The following SHLD1 variants were observed in gnomAD, a reference collection of about 807,000 sequenced individuals.
SHLD1 encodes the protein shieldin complex subunit 1.
SHLD1 carries 3 observed loss-of-function variants against 5.5 expected under a neutral mutation model. The observed-to-expected ratio is 0.54, with a 90% CI of 0.25 to 1.40. The LOEUF (loss-of-function observed/expected upper bound fraction) is 1.40. Among genes scored for constraint, SHLD1 ranks in the 40% most tolerant of loss-of-function variants. The pLI, the probability that SHLD1 is intolerant of heterozygous loss-of-function variation, is 0.15. For missense variants in SHLD1, 210 were observed against 244.4 expected (o/e 0.86, Z 0.94); for synonymous variants, 92 against 94.3 (o/e 0.98, Z 0.14).
At chr20:5,860,950 A>G (rs1402394043) in intron 2 of SHLD1, among the ~76,000 whole-genome samples, 1 of 150,018 alleles carries the variant, frequency 6.7e-6, no homozygotes, top group East Asian at 2.0e-4. Context: ...TCTGGAAACT[A>G]GTGTAGTGGA....
intron 2 of SHLD1, among the ~76,000 whole-genome samples, chr20:5,795,789 G>A (rs2087203826): frequency 6.6e-6 from 1 of 151,630 alleles, no homozygotes; most frequent in African/African-American, 2.4e-5. Context: ...AGACCATCCT[G>A]GCTAACACGG....
At chr20:5,861,575 T>C (rs376994818) in intron 2 of SHLD1, among the ~76,000 whole-genome samples, 21 of 152,336 alleles carry the variant, frequency 1.4e-4, no homozygotes, top group African/African-American at 4.6e-4. Context: ...GCTGATAACT[T>C]CCGGATAATC....
intron 1 of SHLD1, among the ~76,000 whole-genome samples, chr20:5,757,010 G>A (rs1445741597): frequency 1.3e-5 from 2 of 148,586 alleles, no homozygotes; most frequent in African/African-American, 4.9e-5. Flanking sequence ...AAAGCATTCA[G>A]TCTTTTACCA....
chr20:5,806,056 G>A lies in SHLD1; in HGVS notation c.178+33013G>A, dbSNP rs1337231198. ...ATTTTTAAATATTTTTTAGAGATGC[G>A]GCCTTGCTCTGTTGCCCAGGCTAGT... On this transcript the variant is annotated intron_variant, in intron 2 of 2. Transcript: ENST00000303142. This position sits in a 1 kb window ranked among gnomAD's most constrained non-coding sequence, Gnocchi z 7.6. Among the ~76,000 whole-genome samples the A allele has an allele frequency of 6.6e-6, 1 of 152,048 alleles. No homozygotes were observed. The highest frequency in any genetic ancestry group is 2.4e-5 in the African/African-American group (1 of 41,408).
At chr20:5,785,956 C>T (rs558564182) in intron 2 of SHLD1, among the ~76,000 whole-genome samples, 2 of 152,276 alleles carry the variant, frequency 1.3e-5, no homozygotes, top group East Asian at 3.9e-4. Flanking sequence ...CTTCACTGTG[C>T]TCTCCTTTCC....
At chr20:5,853,394 C>T (rs2088037224) in intron 2 of SHLD1, among the ~76,000 whole-genome samples, 1 of 152,052 alleles carries the variant, frequency 6.6e-6, no homozygotes, top group African/African-American at 2.4e-5. Context: ...TGCAGTCAGC[C>T]AAGATCGCGC....
chr20:5,815,204 C>G (rs2087513332), intron 2 of SHLD1, among the ~76,000 whole-genome samples: 1 of 152,158 alleles, frequency 6.6e-6, no homozygotes, highest in African/African-American at 2.4e-5. Flanking sequence ...ACATCGGCAT[C>G]AACTGCAAGT....
At chr20:5,826,151 T>G (rs1161887540) in intron 2 of SHLD1, among the ~76,000 whole-genome samples, 1 of 152,248 alleles carries the variant, frequency 6.6e-6, no homozygotes, top group South Asian at 2.1e-4. Flanking sequence ...TTTGCTTTTA[T>G]TTCTCTTTTG....
chr20:5,841,198 T>C (rs1029128843), intron 2 of SHLD1, among the ~76,000 whole-genome samples: 1 of 150,786 alleles, frequency 6.6e-6, no homozygotes, highest in Non-Finnish European at 1.5e-5. Flanking sequence ...TGTGTGTGTG[T>C]GTGTGCACAT....
chr20:5,849,989 A>C (rs1198820434), intron 2 of SHLD1, among the ~76,000 whole-genome samples: 3 of 145,980 alleles, frequency 2.1e-5, no homozygotes, highest in African/African-American at 7.6e-5. Context: ...AAAAAAAAAA[A>C]TTCATTGAGG....
intron 2 of SHLD1, among the ~76,000 whole-genome samples, chr20:5,828,789 G>A (rs2087695208): frequency 6.6e-6 from 1 of 152,122 alleles, no homozygotes; most frequent in Non-Finnish European, 1.5e-5. Flanking sequence ...GCATTATCAG[G>A]TCTTAAAATT....
At chr20:5,852,964 A>T (rs1201864055) in intron 2 of SHLD1, among the ~76,000 whole-genome samples, 1 of 152,094 alleles carries the variant, frequency 6.6e-6, no homozygotes, top group African/African-American at 2.4e-5. Flanking sequence ...TCATTTGTTT[A>T]TTCATTCCAC....
In SHLD1 at chr20:5,758,757, G is replaced by T. The variant is rs578090894; in HGVS notation, c.-5+8278G>T. Among the ~76,000 whole-genome samples, 22 of 152,048 alleles carry T rather than the reference G, an allele frequency of 1.4e-4. No individual in the cohort carries two copies. The South Asian group carries it at 4.2e-3, about 29-fold the overall frequency. ...TAAGGAAGTCCATTTTGAGATGGAG[G>T]ATAGGAACAGGCAAAGAGGTGGGAG... On this transcript the variant is annotated intron_variant, in intron 1 of 2. Coordinates refer to ENST00000303142, the MANE Select transcript of SHLD1 (RefSeq NM_152504.4).
At chr20:5,764,726 A>G (rs1984728841) in intron 1 of SHLD1, among the ~76,000 whole-genome samples, 1 of 152,116 alleles carries the variant, frequency 6.6e-6, no homozygotes, top group African/African-American at 2.4e-5. Context: ...TTTTAAAAAT[A>G]TGATGAATTG....
chr20:5,800,778 T>A (rs927796012), intron 2 of SHLD1, among the ~76,000 whole-genome samples: 1 of 152,148 alleles, frequency 6.6e-6, no homozygotes, highest in Non-Finnish European at 1.5e-5. Context: ...TACCTCAAAC[T>A]CTAAGAGATG....
chr20:5,848,208 A>ATG (rs754884013), intron 2 of SHLD1, among the ~76,000 whole-genome samples: 4 of 152,218 alleles, frequency 2.6e-5, no homozygotes, highest in Non-Finnish European at 5.9e-5. Context: ...ATACATATAT[A>ATG]TGTGTGTGTA....
intron 1 of SHLD1, among the ~76,000 whole-genome samples, chr20:5,767,410 T>C (rs6085271): frequency 0.41 from 62,919 of 152,014 alleles, 13,734 homozygotes; most frequent in East Asian, 0.65. Flanking sequence ...AGTGGTGGGA[T>C]TACAGGTATC....
At chr20:5,789,988 T>C (rs2087115622) in intron 2 of SHLD1, among the ~76,000 whole-genome samples, 1 of 152,198 alleles carries the variant, frequency 6.6e-6, no homozygotes, top group Non-Finnish European at 1.5e-5. Flanking sequence ...CCAGAGGAAG[T>C]GCTCACCTTC....
At chr20:5,753,603 A>G (rs1983888448) in intron 1 of SHLD1, among the ~76,000 whole-genome samples, 1 of 152,156 alleles carries the variant, frequency 6.6e-6, no homozygotes, top group Non-Finnish European at 1.5e-5. Context: ...TAGAAAAGGG[A>G]TTTCTGGAAG....
Sources: gnomAD v4.1 joint callset for allele counts (sites outside exome capture counted in the v4.1 genomes callset) on GRCh38, gnomAD v4.1.1 for gene constraint, Gnocchi (gnomAD v3.1) non-coding constraint, MANE v1.5 for transcripts, NCBI Gene and HGNC (gene_info 2026-07-23, HGNC 2026-07-21) for gene names.